The following PCDH15 variants were observed in gnomAD, a reference collection of about 807,000 sequenced individuals.
The protein encoded by PCDH15 is protocadherin-15.
PCDH15 carries 129 observed loss-of-function variants against 178.5 expected under a neutral mutation model. The ratio of observed to expected loss-of-function variants is 0.72; its 90% CI spans 0.63 to 0.84. The LOEUF (loss-of-function observed/expected upper bound fraction) is 0.84. Ranked by LOEUF, PCDH15 falls within the 40% of genes least tolerant of loss-of-function variation. PCDH15 has a pLI of 0.00. For synonymous variants in PCDH15, 800 were observed against 732.0 expected (o/e 1.09, Z -1.50); for missense variants, 2,230 against 2,099.9 (o/e 1.06, Z -1.21).
At chr10:54,358,239 T>C (rs1171816161) in intron 5 of PCDH15, among the ~76,000 whole-genome samples, 5 of 151,138 alleles carry the variant, frequency 3.3e-5, no homozygotes, top group East Asian at 1.9e-4. Context: ...ACCTACAAAA[T>C]GGGAGAAAGT....
intron 2 of PCDH15, among the ~76,000 whole-genome samples, chr10:55,377,016 G>A (rs1465956987): frequency 6.6e-6 from 1 of 151,894 alleles, no homozygotes; most frequent in African/African-American, 2.4e-5. Flanking sequence ...CTCAATGATA[G>A]GCAAGGAATT....
At chr10:55,225,850 A>T (rs1841020728) in intron 1 of PCDH15, among the ~76,000 whole-genome samples, 1 of 152,030 alleles carries the variant, frequency 6.6e-6, no homozygotes, top group South Asian at 2.1e-4. Context: ...GAGAAAATTT[A>T]CTCCTTTGCA....
chr10:54,674,080 A>G (rs2094733491), intron 1 of PCDH15, among the ~76,000 whole-genome samples: 1 of 152,174 alleles, frequency 6.6e-6, no homozygotes, highest in Non-Finnish European at 1.5e-5. Flanking sequence ...CAGAGATCAT[A>G]AAGTTTCATA....
intron 1 of PCDH15, among the ~76,000 whole-genome samples, chr10:55,227,716 G>A (rs1002852332): frequency 2.0e-5 from 3 of 152,138 alleles, no homozygotes; most frequent in South Asian, 2.1e-4. Context: ...AAATGTAATC[G>A]TACTTTGCTC....
intron 10 of PCDH15, among the ~76,000 whole-genome samples, chr10:54,208,456 A>G (rs1800611667): frequency 6.6e-6 from 1 of 151,988 alleles, no homozygotes; most frequent in South Asian, 2.1e-4. Flanking sequence ...GAGGTCTCAT[A>G]AAAGTAGTTA....
At chr10:54,880,905 C>T (rs2131805887) in intron 3 of PCDH15, among the ~76,000 whole-genome samples, 1 of 151,558 alleles carries the variant, frequency 6.6e-6, no homozygotes, top group Admixed American at 6.6e-5. Flanking sequence ...TGATGCCAAA[C>T]AAATTACATT....
intron 6 of PCDH15, among the ~76,000 whole-genome samples, chr10:54,342,846 T>C (rs1942508934): frequency 6.6e-6 from 1 of 152,164 alleles, no homozygotes. Context: ...AGCTTTAAGA[T>C]TTAATAACTG....
At chr10:54,182,380 G>GT (rs1240145325) in intron 13 of PCDH15, among the ~76,000 whole-genome samples, 2 of 152,184 alleles carry the variant, frequency 1.3e-5, no homozygotes, top group African/African-American at 4.8e-5. Flanking sequence ...TGGCATTACA[G>GT]TGGCAAACAA....
At chr10:54,471,883 CT>C (rs1307550214) in intron 3 of PCDH15, among the ~76,000 whole-genome samples, 2 of 151,878 alleles carry the variant, frequency 1.3e-5, no homozygotes, top group African/African-American at 2.4e-5. Flanking sequence ...TTTTAAACAT[CT>C]TTTTTTCAAA....
chr10:54,798,053 AC>A (rs938765976), intron 1 of PCDH15, among the ~76,000 whole-genome samples: 1 of 152,038 alleles, frequency 6.6e-6, no homozygotes, highest in African/African-American at 2.4e-5. Context: ...GGTTCTTGTC[AC>A]CATTTCAACC....
intron 20 of PCDH15, among the ~76,000 whole-genome samples, chr10:54,002,397 C>T (rs192527675): frequency 2.0e-5 from 3 of 152,198 alleles, no homozygotes; most frequent in Admixed American, 6.5e-5. Context: ...AATACACATT[C>T]TCCTCAGCAC....
intron 1 of PCDH15, among the ~76,000 whole-genome samples, chr10:54,738,226 G>T (rs571202608): frequency 3.3e-5 from 5 of 152,124 alleles, no homozygotes; most frequent in Admixed American, 3.3e-4. Flanking sequence ...GCAGATAAAT[G>T]TATAGCTTGA....
intron 14 of PCDH15, among the ~76,000 whole-genome samples, chr10:54,151,509 T>C (rs978011646): frequency 3.9e-5 from 6 of 151,916 alleles, no homozygotes; most frequent in African/African-American, 1.5e-4. Context: ...CGCTACACTC[T>C]AGACTGGGAG....
intron 2 of PCDH15, among the ~76,000 whole-genome samples, chr10:54,935,988 T>A (rs185889510): frequency 2.0e-5 from 3 of 152,182 alleles, no homozygotes; most frequent in Admixed American, 2.0e-4. Context: ...TAAATTCTCA[T>A]AACATTTTAT....
chr10:54,769,333 T>TC (rs940812772), intron 1 of PCDH15, among the ~76,000 whole-genome samples: 27 of 151,500 alleles, frequency 1.8e-4, no homozygotes, highest in African/African-American at 5.6e-4. Context: ...TTTTTTTTTT[T>TC]TTTAAATCTC....
At chr10:54,498,170 A>T (rs2080311924) in intron 3 of PCDH15, among the ~76,000 whole-genome samples, 1 of 152,168 alleles carries the variant, frequency 6.6e-6, no homozygotes, top group African/African-American at 2.4e-5. Flanking sequence ...CTTAAAGAAA[A>T]GAAATTCCAT....
rs1566220680 is a variant in PCDH15, at chr10:54,779,410, A to ATATATATATACACACACATATGTG, written c.-29+21514_-29+21515insCACATATGTGTGTGTATATATATA. ...TCTCTCTCTCTATATATATATGTAT[A>ATATATATATACACACACATATGTG]TATATATATATACACACACATATGT... On this transcript the variant is annotated intron_variant, in intron 1 of 37. Transcript: ENST00000644397. Among the ~76,000 whole-genome samples, 492 of 105,994 alleles carry ATATATATATACACACACATATGTG rather than the reference A, an allele frequency of 4.6e-3. 6 individuals carry two copies. Among genetic ancestry groups the ATATATATATACACACACATATGTG allele is most frequent in the Middle Eastern group, 0.011 (2 of 190 alleles). The allele number at this position is 105,994 out of a possible 152,430, so 69.5% of individuals were successfully genotyped here.
chr10:53,882,671 T>A (rs1405432453), intron 26 of PCDH15, among the ~76,000 whole-genome samples: 1 of 152,202 alleles, frequency 6.6e-6, no homozygotes, highest in African/African-American at 2.4e-5. Context: ...CCCCAACTGC[T>A]ATTTTTTAAA....
intron 28 of PCDH15, among the ~76,000 whole-genome samples, chr10:53,843,708 T>C (rs1175472939): frequency 6.6e-6 from 1 of 152,098 alleles, no homozygotes; most frequent in Non-Finnish European, 1.5e-5. Flanking sequence ...AAAGTCTTCA[T>C]ATAAATCTAT....
Sources: allele counts gnomAD v4.1 joint callset (sites outside exome capture counted in the v4.1 genomes callset), GRCh38; gene constraint gnomAD v4.1.1; transcripts MANE v1.5; gene names NCBI Gene and HGNC (gene_info 2026-07-23, HGNC 2026-07-21).